The following RPAIN variants were observed in gnomAD, a reference collection of about 807,000 sequenced individuals.
RPAIN encodes the protein RPA interacting protein.
RPAIN carries 29 observed loss-of-function variants against 30.5 expected under a neutral mutation model. The ratio of observed to expected loss-of-function variants is 0.95; its 90% confidence interval spans 0.71 to 1.30. The LOEUF is 1.30. Among genes scored for constraint, RPAIN ranks in the 50% most tolerant of loss-of-function variants. The pLI is 0.00. For missense variants in RPAIN, 247 were observed against 264.7 expected, an observed-to-expected ratio of 0.93 and a Z score of 0.46; for synonymous variants, 101 against 93.5, an observed-to-expected ratio of 1.08 and a Z score of -0.46.
intron 3 of RPAIN, chr17:5,423,141 G>C (rs1915038957): frequency 4.8e-6 from 1 of 210,198 alleles, no homozygotes. Flanking sequence ...CTAGTAAGTG[G>C]AGGAGATGGG....
intron 3 of RPAIN, among the ~76,000 whole-genome samples, chr17:5,424,025 T>C (rs551367195): frequency 4.0e-5 from 6 of 151,336 alleles, no homozygotes; most frequent in African/African-American, 1.5e-4. Context: ...TCTTGCTCTG[T>C]TGCCCAGGCT....
At chr17:5,420,697 G>A (rs189369591) in intron 1 of RPAIN, among the ~76,000 whole-genome samples, 1 of 152,234 alleles carries the variant, frequency 6.6e-6, no homozygotes, top group Non-Finnish European at 1.5e-5. Flanking sequence ...AACACAGTGT[G>A]GTTATTAGTA....
chr17:5,421,465 A>C lies in RPAIN; in HGVS notation c.251A>C (p.Gln84Pro). ...GAGAATTGTCCAGAAGACTTGGCTCAGGTCAGGCTGGGCTATGTGTTTTCA... is the reference window on the plus strand; with the variant it reads ...GAGAATTGTCCAGAAGACTTGGCTCCGGTCAGGCTGGGCTATGTGTTTTCA... Reference protein sequence around the residue: ...SVENCPEDLAQLEELIDMAVL... With the variant: ...SVENCPEDLAPLEELIDMAVL... The change falls in exon 2 of 7, where the codon CAG (glutamine) becomes CCG (proline). Residue 84 changes from glutamine to proline, a missense_variant and splice_region_variant. Coordinates refer to ENST00000381209, the MANE Select transcript of RPAIN (RefSeq NM_001033002.4). 6.2e-7 allele frequency: 1 copy of C among 1,613,890 alleles called. No homozygotes were observed.
chr17:5,423,084 T>C (rs1460630321), intron 3 of RPAIN: 6 of 375,784 alleles, frequency 1.6e-5, no homozygotes, highest in Non-Finnish European at 2.8e-5. Context: ...TGTAAGATAG[T>C]AGTATTAGAA....
At chr17:5,427,418 G>C (rs1382817055) in intron 5 of RPAIN, 1 of 152,308 alleles carries the variant, frequency 6.6e-6, no homozygotes, top group African/African-American at 2.4e-5. Flanking sequence ...TTACAAGCGT[G>C]AGCCACTGTG....
intron 1 of RPAIN, among the ~76,000 whole-genome samples, chr17:5,420,647 G>T (rs978559410): frequency 1.1e-4 from 17 of 151,662 alleles, no homozygotes; most frequent in Non-Finnish European, 2.9e-5. Context: ...AGTAAAATGA[G>T]GCTTAGAAGA....
intron 6 of RPAIN, chr17:5,431,844 CTGTGGA>C (rs1915989080): frequency 2.9e-6 from 1 of 339,310 alleles, no homozygotes; most frequent in East Asian, 8.5e-5. Flanking sequence ...AACATATTAC[CTGTGGA>C]AGTGGTAAGA....
chr17:5,423,771 T>C (rs1334466630), intron 3 of RPAIN, among the ~76,000 whole-genome samples: 1 of 152,070 alleles, frequency 6.6e-6, no homozygotes, highest in East Asian at 1.9e-4. Context: ...TTGTTTTTGT[T>C]TTTTTTGAGA....
intron 6 of RPAIN, chr17:5,431,155 T>C: frequency 6.3e-6 from 2 of 316,666 alleles, no homozygotes; most frequent in South Asian, 5.3e-5. Flanking sequence ...AGGAAGACCA[T>C]TGTTGGGTAA....
At chr17:5,426,364 C>T in intron 5 of RPAIN, 65 bp downstream of exon 5, 1 of 1,382,014 alleles carries the variant, frequency 7.2e-7, no homozygotes, top group Non-Finnish European at 1.0e-6. Flanking sequence ...CTTGAAGATC[C>T]TCCAGTGCTG....
chr17:5,426,404 C>T (rs766359880), intron 5 of RPAIN, 105 bp downstream of exon 5: 7 of 990,478 alleles, frequency 7.1e-6, no homozygotes, highest in East Asian at 2.4e-5. Context: ...TATTTCTTCC[C>T]AGTTTTATGT....
At chr17:5,430,825 C>T (rs143728578) in intron 6 of RPAIN, 192 of 153,110 alleles carry the variant, frequency 1.3e-3, no homozygotes, top group African/African-American at 4.4e-3. Context: ...AACAGTGAGT[C>T]ATCCACACAG....
chr17:5,427,734 T>C, intron 5 of RPAIN: 1 of 315,292 alleles, frequency 3.2e-6, no homozygotes, highest in South Asian at 4.0e-5. Context: ...CGGGAGCATA[T>C]ACTGCTAGTT....
chr17:5,422,935 C>G, intron 3 of RPAIN, 106 bp downstream of exon 3: 1 of 867,688 alleles, frequency 1.2e-6, no homozygotes, highest in South Asian at 1.6e-5. Context: ...CTACCTCCAT[C>G]AGTCAAGTGT....
chr17:5,423,897 C>CG (rs898198541), intron 3 of RPAIN, among the ~76,000 whole-genome samples: 34 of 151,378 alleles, frequency 2.2e-4, no homozygotes, highest in African/African-American at 8.2e-4. Context: ...GGATCATAGG[C>CG]GTGTGCCACC....
At chr17:5,427,505 G>C (rs1250551144) in intron 5 of RPAIN, 1 of 153,394 alleles carries the variant, frequency 6.5e-6, no homozygotes, top group Non-Finnish European at 1.4e-5. Context: ...ATTCCATAAA[G>C]TGGATCAAGA....
chr17:5,432,839 T>G lies in RPAIN; in HGVS notation c.*268T>G, dbSNP rs1916119093. 2.1e-6 allele frequency: 2 copies of G among 935,324 alleles called. No homozygotes were observed. The highest frequency in any genetic ancestry group is 6.6e-5 in the Admixed American group (2 of 30,318). The allele number at this position is 935,324 out of a possible 1,614,324, so 57.9% of individuals were successfully genotyped here. A position where few individuals can be genotyped will look rare whatever the true frequency, so the allele number is the denominator to read the frequency against. ...TACAAAAATCTAGAAATAATAGATT[T>G]GTACAGAAAAAAATGATAATAAATG... On this transcript the variant is annotated 3_prime_UTR_variant, in exon 7 of 7. Transcript: ENST00000381209.
chr17:5,432,566 C>T lies in RPAIN; in HGVS notation c.655C>T (p.Leu219Phe). 6.2e-7 allele frequency: 1 copy of T among 1,613,892 alleles called. No homozygotes were observed. The highest frequency in any genetic ancestry group is 1.1e-5 in the South Asian group (1 of 91,088). Residue 219 changes from leucine to phenylalanine, a missense_variant, in exon 7 of 7, where the codon CTC (leucine) becomes TTC (phenylalanine). Physicochemically the swap from Leu to Phe is conservative, Grantham distance 22. Transcript: ENST00000381209. ...CLACDTWAVI[L>F] ...GGCCTGTGATACTTGGGCTGTGATC[C>T]TCTAGAGCCAGCTTGGACTCACATC...
chr17:5,429,625 G>A (rs1915719626), intron 6 of RPAIN: 1 of 985,420 alleles, frequency 1.0e-6, no homozygotes, highest in East Asian at 1.1e-4. Flanking sequence ...CATAGCAGGT[G>A]AAAGTTTAAA....
Sources: allele counts gnomAD v4.1 joint callset (sites outside exome capture counted in the v4.1 genomes callset), GRCh38; gene constraint gnomAD v4.1.1; transcripts MANE v1.5; gene names NCBI Gene and HGNC (gene_info 2026-07-23, HGNC 2026-07-21).